The following HMCN1 variants were observed in gnomAD, a reference collection of about 807,000 sequenced individuals.
HMCN1 encodes hemicentin-1.
A neutral mutation model predicts 625.9 loss-of-function variants in HMCN1; 321 were observed. The ratio of observed to expected loss-of-function variants is 0.51; its 90% CI spans 0.47 to 0.56. The LOEUF (loss-of-function observed/expected upper bound fraction) is 0.56. Among genes scored for constraint, HMCN1 ranks in the 20% least tolerant of loss-of-function variants. HMCN1 has a pLI of 0.00. For missense variants in HMCN1, 6,588 were observed against 6,887.3 expected (o/e 0.96, Z 1.54); for synonymous variants, 2,425 against 2,417.6 (o/e 1.00, Z -0.09).
At chr1:186,063,062 G>GCATA (rs1221296216) in intron 48 of HMCN1, among the ~76,000 whole-genome samples, 78 of 62,922 alleles carry the variant, frequency 1.2e-3, no homozygotes, top group Admixed American at 2.0e-3. Flanking sequence ...GTGTGTGTGT[G>GCATA]TGTGCATATA....
rs1452072056 is a variant in HMCN1, at chr1:185,933,440, TC to T, written c.1553-108del. On this transcript the variant is annotated intron_variant, in intron 10 of 106. Coordinates refer to ENST00000271588, the MANE Select transcript of HMCN1 (RefSeq NM_031935.3). ...ATTGAGTAAGTTCTGTTGCACTGCA[TC>T]TTTCCTACTGGATGTTCAGTACATA... 5.7e-6 allele frequency: 6 copies of T among 1,051,564 alleles called. No homozygotes were observed. The African/African-American group carries it at 9.4e-5, about 17-fold the overall frequency. 65.1% of individuals were successfully genotyped at this position (1,051,564 alleles called of 1,614,324 possible).
rs36021341 is a variant in HMCN1, at chr1:185,748,034, A to ATTTTTT, written c.268+13008_268+13013dup. On this transcript the variant is annotated intron_variant, in intron 1 of 106. Transcript: ENST00000271588. ...ATAAATACAAGAAAGGGTACTTAAAATTTTTTTTTTTTTTTTTTTTTTTTT... is the reference window on the plus strand; with the variant it reads ...ATAAATACAAGAAAGGGTACTTAAAATTTTTTTTTTTTTTTTTTTTTTTTTTTTTTT... Among the ~76,000 whole-genome samples the ATTTTTT allele has an allele frequency of 1.5e-3, 181 of 118,142 alleles. 1 individual carries two copies. Among genetic ancestry groups the ATTTTTT allele is most frequent in the Middle Eastern group, 4.5e-3 (1 of 220 alleles). 77.5% of individuals were successfully genotyped at this position (118,142 alleles called of 152,430 possible). A position where few individuals can be genotyped will look rare whatever the true frequency, so the allele number is the denominator to read the frequency against.
At chr1:186,103,426 T>G (rs1310116196) in intron 68 of HMCN1, 46 bp from the exon 69 acceptor site, 1 of 1,513,548 alleles carries the variant, frequency 6.6e-7, no homozygotes, top group Non-Finnish European at 9.2e-7. Context: ...GAGCAATATT[T>G]TATGAAACTG....
At chr1:186,125,474 A>T in intron 81 of HMCN1, 130 bp from the exon 82 acceptor site, 1 of 718,804 alleles carries the variant, frequency 1.4e-6, no homozygotes. Flanking sequence ...CAATATCTTA[A>T]TAGATTTTCA....
chr1:186,029,568 G>A (rs1270608058), intron 36 of HMCN1, among the ~76,000 whole-genome samples: 1 of 150,180 alleles, frequency 6.7e-6, no homozygotes, highest in Non-Finnish European at 1.5e-5. Flanking sequence ...GTAAGATTGC[G>A]GTAATGACCC....
At chr1:185,976,252 A>G (rs1218134060) in intron 15 of HMCN1, among the ~76,000 whole-genome samples, 1 of 152,162 alleles carries the variant, frequency 6.6e-6, no homozygotes, top group East Asian at 1.9e-4. Flanking sequence ...GAGATCAATA[A>G]CAGACATTAC....
intron 10 of HMCN1, among the ~76,000 whole-genome samples, chr1:185,930,921 C>T (rs191167482): frequency 6.8e-6 from 1 of 147,142 alleles, no homozygotes; most frequent in South Asian, 2.2e-4. Flanking sequence ...CACACACACA[C>T]ACACACACAC....
chr1:186,076,542 A>C lies in HMCN1; in HGVS notation c.8405A>C (p.Asn2802Thr). ...NNPISLYCET[N>T]AAPPPTLTWY... ...CCCATTTCTCTTTACTGTGAGACAA[A>C]TGCTGCTCCCCCTCCTACACTGACA... Residue 2802 changes from asparagine (N) to threonine (T), a missense_variant, in exon 54 of 107, where the codon AAT becomes ACT. Coordinates refer to ENST00000271588, the MANE Select transcript of HMCN1 (RefSeq NM_031935.3). The C allele has an allele frequency of 6.2e-7, 1 of 1,613,872 alleles. No homozygotes were observed. Among genetic ancestry groups the C allele is most frequent in the African/African-American group, 1.3e-5 (1 of 75,040 alleles).
chr1:186,076,740 A>G, intron 54 of HMCN1, 118 bp downstream of exon 54: 2 of 954,090 alleles, frequency 2.1e-6, no homozygotes, highest in Non-Finnish European at 1.6e-6. Flanking sequence ...TGGCAGTTAG[A>G]CTGCTGAATG....
chr1:186,035,117 G>C (rs753423650), intron 36 of HMCN1, among the ~76,000 whole-genome samples: 1 of 152,074 alleles, frequency 6.6e-6, no homozygotes, highest in Non-Finnish European at 1.5e-5. Flanking sequence ...TTCTTTTCCA[G>C]TTGGAAAAGT....
intron 24 of HMCN1, among the ~76,000 whole-genome samples, chr1:185,996,221 G>T (rs374939307): frequency 2.0e-5 from 3 of 152,148 alleles, no homozygotes; most frequent in Non-Finnish European, 4.4e-5. Flanking sequence ...CTCCCTTGGG[G>T]TAGGGACATG....
At chr1:185,944,768 T>C (rs1456397960) in intron 11 of HMCN1, among the ~76,000 whole-genome samples, 2 of 152,222 alleles carry the variant, frequency 1.3e-5, no homozygotes, top group Non-Finnish European at 2.9e-5. Flanking sequence ...CAGAGCTAGA[T>C]TTTATTCAGT....
Position 185,775,001 on chromosome 1 carries a change from AC to A in HMCN1, c.268+39955del, listed in dbSNP as rs148334256. On this transcript the variant is annotated intron_variant, in intron 1 of 106. Transcript: ENST00000271588. ...TCAGTTCTTGGATGTCTCCTGTGTC[AC>A]TAATTCACACCATTTTGAAATAGAA... Among the ~76,000 whole-genome samples, 1,198 of 152,046 alleles carry A rather than the reference AC, an allele frequency of 7.9e-3. 12 individuals are homozygous for A. Among genetic ancestry groups the A allele is most frequent in the African/African-American group, 0.028 (1,155 of 41,328 alleles).
chr1:185,890,398 A>G (rs1483662406), intron 4 of HMCN1, among the ~76,000 whole-genome samples: 2 of 146,132 alleles, frequency 1.4e-5, no homozygotes, highest in Middle Eastern at 3.2e-3. Flanking sequence ...TTTAGTTGTG[A>G]TGTTAGGGTG....
chr1:186,184,734 C>A (rs1653174099), intron 105 of HMCN1, among the ~76,000 whole-genome samples: 2 of 152,106 alleles, frequency 1.3e-5, no homozygotes, highest in Admixed American at 6.6e-5. Flanking sequence ...TTCAGAAGCA[C>A]TAGGTTAAAT....
chr1:185,990,221 CT>C (rs937106262), intron 21 of HMCN1, 53 bp from the exon 22 acceptor site: 6 of 1,459,052 alleles, frequency 4.1e-6, no homozygotes, highest in Non-Finnish European at 5.8e-6. Context: ...GTAAATTAAA[CT>C]GTGCTTTGTT....
chr1:185,957,696 G>A (rs1438612146), intron 11 of HMCN1, among the ~76,000 whole-genome samples: 1 of 152,078 alleles, frequency 6.6e-6, no homozygotes, highest in Non-Finnish European at 1.5e-5. Context: ...ATGTTTTTCT[G>A]TATGAACATT....
At chr1:185,836,618 C>G (rs970594955) in intron 1 of HMCN1, among the ~76,000 whole-genome samples, 48 of 152,082 alleles carry the variant, frequency 3.2e-4, no homozygotes, top group African/African-American at 1.1e-3. Flanking sequence ...AGCGAAATGA[C>G]TTTATCATAA....
At chr1:186,186,994 TCACACACACACACACACACACA>T (rs371455899) in intron 105 of HMCN1, among the ~76,000 whole-genome samples, 7 of 134,516 alleles carry the variant, frequency 5.2e-5, no homozygotes, top group Admixed American at 1.5e-4. Flanking sequence ...TGTCTCTGTC[TCACACACACACACACACACACA>T]CACACACACA....
Sources: allele counts gnomAD v4.1 joint callset (sites outside exome capture counted in the v4.1 genomes callset), GRCh38; gene constraint gnomAD v4.1.1; transcripts MANE v1.5; gene names NCBI Gene and HGNC (gene_info 2026-07-23, HGNC 2026-07-21).